Variants in VAV3 observed in about 807,000 individuals in gnomAD.
VAV3 encodes the protein guanine nucleotide exchange factor VAV3.
In VAV3, 94 loss-of-function variants were observed where a neutral mutation model predicts 131.2. The observed-to-expected ratio is 0.72, with a 90% CI of 0.61 to 0.85. VAV3 has a LOEUF of 0.85. VAV3 is among the 40% of genes least tolerant of loss of function. The pLI is 0.00. For synonymous variants in VAV3, 349 were observed against 342.0 expected (o/e 1.02, Z -0.22); for missense variants, 939 against 1,002.7 (o/e 0.94, Z 0.86).
chr1:107,712,804 C>T (rs1367126722), intron 15 of VAV3, among the ~76,000 whole-genome samples: 3 of 152,084 alleles, frequency 2.0e-5, no homozygotes, highest in African/African-American at 7.2e-5. Flanking sequence ...TAAATAATTC[C>T]ACAAACAATC....
chr1:107,710,442 T>A (rs1033776361), intron 15 of VAV3, among the ~76,000 whole-genome samples: 36 of 152,158 alleles, frequency 2.4e-4, no homozygotes, highest in African/African-American at 8.4e-4. Context: ...TTCACACACA[T>A]AGCTTTGTGT....
chr1:107,630,401 C>T (rs192121801), intron 20 of VAV3, among the ~76,000 whole-genome samples: 9 of 134,946 alleles, frequency 6.7e-5, no homozygotes, highest in Admixed American at 3.0e-4. Flanking sequence ...ATTTAATGGG[C>T]ACTGTGCTAG....
chr1:107,762,409 G>A (rs190513586), intron 9 of VAV3, among the ~76,000 whole-genome samples: 1 of 152,178 alleles, frequency 6.6e-6, no homozygotes, highest in East Asian at 1.9e-4. Flanking sequence ...AAATGAATTG[G>A]GGACACATCC....
At chr1:107,640,463 A>G (rs569780303) in intron 20 of VAV3, among the ~76,000 whole-genome samples, 1 of 152,294 alleles carries the variant, frequency 6.6e-6, no homozygotes, top group African/African-American at 2.4e-5. Context: ...GTTGTTGCGC[A>G]AGGCGGAACA....
intron 2 of VAV3, among the ~76,000 whole-genome samples, chr1:107,810,149 T>G (rs776037438): frequency 2.0e-5 from 3 of 152,208 alleles, no homozygotes; most frequent in South Asian, 2.1e-4. Flanking sequence ...CTAGAGATAC[T>G]TGGACTCGAA....
At chr1:107,729,113 A>C (rs768516749) in intron 15 of VAV3, among the ~76,000 whole-genome samples, 18 of 152,222 alleles carry the variant, frequency 1.2e-4, no homozygotes, top group Middle Eastern at 6.3e-3. Flanking sequence ...TTATGACCTC[A>C]GGTATATTTT....
At chr1:107,719,026 C>T (rs1160652496) in intron 15 of VAV3, among the ~76,000 whole-genome samples, 1 of 152,160 alleles carries the variant, frequency 6.6e-6, no homozygotes, top group Non-Finnish European at 1.5e-5. Context: ...GAAACTGGAT[C>T]CCTTCCTTAC....
At chr1:107,892,647 CTATA>C (rs1193650048) in intron 1 of VAV3, among the ~76,000 whole-genome samples, 3 of 151,634 alleles carry the variant, frequency 2.0e-5, no homozygotes, top group Non-Finnish European at 2.9e-5. Flanking sequence ...TCCTCTCTAT[CTATA>C]TATAAAGACT....
chr1:107,632,605 G>C (rs1351411348), intron 20 of VAV3, among the ~76,000 whole-genome samples: 1 of 152,166 alleles, frequency 6.6e-6, no homozygotes, highest in Non-Finnish European at 1.5e-5. Flanking sequence ...GGAAACACTA[G>C]ATGAACTTTA....
chr1:107,932,598 T>TCCCA lies in VAV3; in HGVS notation c.204+32067_204+32068insTGGG. Among the ~76,000 whole-genome samples the TCCCA allele has an allele frequency of 1.3e-5, 2 of 152,180 alleles. 1 individual carries two copies. Among genetic ancestry groups the TCCCA allele is most frequent in the Admixed American group, 1.3e-4 (2 of 15,272 alleles). On this transcript the variant is annotated intron_variant, in intron 1 of 26. Coordinates refer to ENST00000370056, the MANE Select transcript of VAV3 (RefSeq NM_006113.5). The stretch of plus-strand genomic sequence containing the variant: ...CTGGAACCAATGAATAATACTTTAT[T>TCCCA]ATGGTAAAAGGGATTTTGCAGACAT...
intron 2 of VAV3, among the ~76,000 whole-genome samples, chr1:107,821,653 G>A (rs577992651): frequency 2.2e-4 from 34 of 152,308 alleles, no homozygotes; most frequent in African/African-American, 7.7e-4. Flanking sequence ...GAGGGGCCAG[G>A]ACATGCATGG....
At chr1:107,939,453 G>A (rs1351538838) in intron 1 of VAV3, among the ~76,000 whole-genome samples, 1 of 152,110 alleles carries the variant, frequency 6.6e-6, no homozygotes, top group Non-Finnish European at 1.5e-5. Flanking sequence ...TCGAAATGCT[G>A]GACAGCGGCA....
At chr1:107,602,373 T>A in intron 24 of VAV3, 24 bp downstream of exon 24, 1 of 1,466,450 alleles carries the variant, frequency 6.8e-7, no homozygotes, top group South Asian at 1.3e-5. Context: ...GATCCCAGAT[T>A]GAAAAGAAAT....
chr1:107,870,983 A>G (rs1451790190), intron 2 of VAV3, among the ~76,000 whole-genome samples: 1 of 152,148 alleles, frequency 6.6e-6, no homozygotes, highest in African/African-American at 2.4e-5. Flanking sequence ...TAAAGAAAAA[A>G]TCCCATGTGC....
rs144286054 is a variant in VAV3, at chr1:107,946,246, T to C, written c.204+18420A>G. ...AGGAGCAGACATGGATTCAAGATAA[T>C]GAAGGCTGAGCACTATAAACACCCT... On this transcript the variant is annotated intron_variant, in intron 1 of 26. Transcript: ENST00000370056. 2.4e-4 allele frequency among the ~76,000 whole-genome samples: 36 copies of C among 152,252 alleles called. No individual in the cohort carries two copies. In the East Asian group the frequency reaches 4.1e-3, roughly 17 times the overall value.
chr1:107,777,247 G>A lies in VAV3; in HGVS notation c.430C>T (p.Leu144Phe). Residue 144 changes from leucine (L) to phenylalanine (F), a missense_variant, in exon 4 of 27, where the codon CTT becomes TTT. Physicochemically the swap from Leu to Phe is conservative, Grantham distance 22. Coordinates refer to ENST00000370056, the MANE Select transcript of VAV3 (RefSeq NM_006113.5). Reference protein sequence around the residue: ...SINDEDIYKGLPDLIDETLVE... With the variant: ...SINDEDIYKGFPDLIDETLVE... ...TCAACATACTCTATTAAATCAGGAA[G>A]GCCTTTGTAGATGTCTTCATCATTA... is the stretch of plus-strand genomic sequence containing the variant. 2 of 1,613,996 alleles carry A rather than the reference G, an allele frequency of 1.2e-6. No individual in the cohort carries two copies. Among genetic ancestry groups the A allele is most frequent in the Non-Finnish European group, 1.7e-6 (2 of 1,179,950 alleles).
At chr1:107,612,851 A>G (rs1363180851) in intron 21 of VAV3, among the ~76,000 whole-genome samples, 1 of 152,110 alleles carries the variant, frequency 6.6e-6, no homozygotes, top group African/African-American at 2.4e-5. Context: ...TCTTTAAGCC[A>G]GAAATACCAT....
chr1:107,959,259 TA>T (rs1674966752), intron 1 of VAV3, among the ~76,000 whole-genome samples: 1 of 148,476 alleles, frequency 6.7e-6, no homozygotes. Flanking sequence ...AGACTCTGTC[TA>T]AAAAATAAAT....
chr1:107,718,703 C>G (rs565420560), intron 15 of VAV3, among the ~76,000 whole-genome samples: 24 of 152,234 alleles, frequency 1.6e-4, no homozygotes, highest in African/African-American at 2.4e-5. Flanking sequence ...ATTGGAAAAT[C>G]TACTTTAAAG....
Sources: gnomAD v4.1 joint callset for allele counts (sites outside exome capture counted in the v4.1 genomes callset) on GRCh38, gnomAD v4.1.1 for gene constraint, MANE v1.5 for transcripts, NCBI Gene and HGNC (gene_info 2026-07-23, HGNC 2026-07-21) for gene names.